SUMF1: variants seen among roughly 807,000 people sequenced by gnomAD.
The protein encoded by SUMF1 is sulfatase modifying factor 1, also known as formylglycine-generating enzyme.
Under a neutral mutation model 47.6 loss-of-function variants are expected in SUMF1, and 48 were observed. The observed-to-expected ratio is 1.01, with a 90% CI of 0.80 to 1.28. SUMF1 has a LOEUF of 1.28. SUMF1 is among the 50% of genes most tolerant of loss of function. The probability of loss-of-function intolerance (pLI) is 0.00; values close to 1 mark genes in which losing one functional copy is unlikely to be tolerated. For missense variants in SUMF1, 571 were observed against 485.4 expected (o/e 1.18, Z -1.66); for synonymous variants, 230 against 192.1 (o/e 1.20, Z -1.63).
intron 7 of SUMF1, among the ~76,000 whole-genome samples, chr3:4,405,061 C>T (rs1701332597): frequency 6.6e-6 from 1 of 152,176 alleles, no homozygotes; most frequent in African/African-American, 2.4e-5. Flanking sequence ...CTGTTGCACA[C>T]TGAGACACAG....
intron 8 of SUMF1, among the ~76,000 whole-genome samples, chr3:4,141,970 C>T (rs1283155079): frequency 2.0e-5 from 3 of 152,054 alleles, no homozygotes; most frequent in Admixed American, 6.6e-5. Flanking sequence ...AGAATGTTGA[C>T]CAGGGGTTGC....
intron 8 of SUMF1, among the ~76,000 whole-genome samples, chr3:4,088,707 C>T (rs1256593469): frequency 6.6e-6 from 1 of 152,070 alleles, no homozygotes; most frequent in East Asian, 1.9e-4. Context: ...TGGAGCCTGA[C>T]ATATATAAAT....
intron 8 of SUMF1, among the ~76,000 whole-genome samples, chr3:4,340,257 T>G (rs914072665): frequency 6.6e-6 from 1 of 152,160 alleles, no homozygotes; most frequent in Admixed American, 6.6e-5. Flanking sequence ...GACCACACTT[T>G]GAGAACCACT....
intron 8 of SUMF1, among the ~76,000 whole-genome samples, chr3:4,321,483 A>G (rs1016794998): frequency 6.7e-6 from 1 of 150,368 alleles, no homozygotes; most frequent in Non-Finnish European, 1.5e-5. Flanking sequence ...AAAAAAAAAA[A>G]AAAAAAAAAA....
intron 8 of SUMF1, among the ~76,000 whole-genome samples, chr3:4,176,888 C>A (rs1294285656): frequency 9.2e-5 from 14 of 152,124 alleles, no homozygotes; most frequent in Admixed American, 9.2e-4. Flanking sequence ...GGGTTGCAAT[C>A]CTCATCTCTG....
chr3:4,074,214 C>A (rs977570315), intron 8 of SUMF1, among the ~76,000 whole-genome samples: 1 of 152,122 alleles, frequency 6.6e-6, no homozygotes. Flanking sequence ...TACATGGAAA[C>A]TGATCAACCT....
intron 8 of SUMF1, among the ~76,000 whole-genome samples, chr3:4,240,121 C>G (rs1696503990): frequency 6.6e-6 from 1 of 152,126 alleles, no homozygotes; most frequent in Admixed American, 6.5e-5. Context: ...ATGAAGCTGA[C>G]TTGATGGTGG....
chr3:4,248,518 T>C (rs1487039165), intron 8 of SUMF1, among the ~76,000 whole-genome samples: 4 of 151,972 alleles, frequency 2.6e-5, no homozygotes, highest in Non-Finnish European at 5.9e-5. Context: ...GATTAATGAG[T>C]GGCAAGATAA....
chr3:4,325,630 CAT>C (rs944316115), intron 8 of SUMF1, among the ~76,000 whole-genome samples: 10 of 150,640 alleles, frequency 6.6e-5, no homozygotes, highest in African/African-American at 2.2e-4. Flanking sequence ...CACACACACA[CAT>C]ATATGCATAG....
downstream of SUMF1, among the ~76,000 whole-genome samples, chr3:4,359,384 C>A (rs1394459449): frequency 6.6e-6 from 1 of 152,068 alleles, no homozygotes; most frequent in Non-Finnish European, 1.5e-5. Flanking sequence ...CACAAGCGAA[C>A]CTCCCACCTC....
intron 8 of SUMF1, among the ~76,000 whole-genome samples, chr3:4,367,169 G>T (rs1245940242): frequency 2.0e-5 from 3 of 152,166 alleles, no homozygotes; most frequent in East Asian, 1.9e-4. Context: ...GGGGTCAGGG[G>T]TCAGGGACCC....
rs567165599 is a variant in SUMF1 at position 4,460,045 on chromosome 3, TA to T, written c.270+6930del. 8.8e-4 allele frequency among the ~76,000 whole-genome samples: 134 copies of T among 152,228 alleles called. 1 individual carries two copies. Among genetic ancestry groups the T allele is most frequent in the Admixed American group, 7.7e-3 (117 of 15,284 alleles). On this transcript the variant is annotated intron_variant, in intron 1 of 8. Transcript: ENST00000272902. ...TAGGAAAGAAAAAAGAAGAGGGGGA[TA>T]AAAAAGGATGCTTTTGATATATTGA... is the stretch of plus-strand genomic sequence containing the variant.
At chr3:4,422,223 C>T (rs749255739) in intron 3 of SUMF1, among the ~76,000 whole-genome samples, 1 of 152,076 alleles carries the variant, frequency 6.6e-6, no homozygotes. Context: ...GTGCCCATGA[C>T]AGGTAATTCA....
intron 8 of SUMF1, among the ~76,000 whole-genome samples, chr3:4,177,818 A>G (rs2600122): frequency 0.68 from 102,941 of 151,802 alleles, 35,045 homozygotes; most frequent in South Asian, 0.74. Flanking sequence ...AAGAAAAGAG[A>G]GAAGAATCAA....
intron 7 of SUMF1, among the ~76,000 whole-genome samples, chr3:4,384,191 G>C (rs1015344549): frequency 1.3e-5 from 2 of 152,192 alleles, no homozygotes; most frequent in African/African-American, 4.8e-5. Context: ...TAGTATGGCA[G>C]ATCTGCTAGC....
intron 7 of SUMF1, among the ~76,000 whole-genome samples, chr3:4,408,115 A>C (rs1266713310): frequency 6.6e-6 from 1 of 152,216 alleles, no homozygotes; most frequent in Non-Finnish European, 1.5e-5. Context: ...AGTCAGCCAA[A>C]ACTAACCAGG....
intron 8 of SUMF1, among the ~76,000 whole-genome samples, chr3:4,271,138 C>A (rs1010841125): frequency 1.3e-5 from 2 of 152,202 alleles, no homozygotes; most frequent in African/African-American, 4.8e-5. Context: ...GTGCTAATAC[C>A]CACCACCAAT....
chr3:4,359,198 G>T (rs1033172117), downstream of SUMF1, among the ~76,000 whole-genome samples: 1 of 152,186 alleles, frequency 6.6e-6, no homozygotes, highest in Admixed American at 6.5e-5. Flanking sequence ...AGTGACTATA[G>T]CTATCCATAG....
At chr3:4,382,131 A>G (rs114314163) in intron 7 of SUMF1, among the ~76,000 whole-genome samples, 1 of 152,288 alleles carries the variant, frequency 6.6e-6, no homozygotes, top group African/African-American at 2.4e-5. Context: ...AAAATCAGTG[A>G]GTGAAAGGCT....
Sources: allele counts gnomAD v4.1 joint callset (sites outside exome capture counted in the v4.1 genomes callset), GRCh38; gene constraint gnomAD v4.1.1; transcripts MANE v1.5; gene names NCBI Gene and HGNC (gene_info 2026-07-23, HGNC 2026-07-21).